The following RAB3C variants were observed in gnomAD, a reference collection of about 807,000 sequenced individuals.
The protein encoded by RAB3C is ras-related protein Rab-3C.
A neutral mutation model predicts 26.4 loss-of-function variants in RAB3C; 17 were observed. That is an observed-to-expected ratio of 0.64 (90% CI 0.44 to 0.97). The LOEUF (loss-of-function observed/expected upper bound fraction) is 0.97, where lower values mean the gene tolerates loss of function less well. Ranked by LOEUF, RAB3C falls within the 50% of genes least tolerant of loss-of-function variation. The pLI is 0.00. For missense variants in RAB3C, 242 were observed against 281.9 expected (o/e 0.86, Z 1.01); for synonymous variants, 91 against 95.9 (o/e 0.95, Z 0.30).
intron 2 of RAB3C, among the ~76,000 whole-genome samples, chr5:58,681,753 T>C (rs1169187321): frequency 1.3e-5 from 2 of 152,112 alleles, no homozygotes; most frequent in African/African-American, 2.4e-5. Flanking sequence ...AGAAAAGAAT[T>C]CTTAGTTGAA....
rs2112097783 is a variant in RAB3C at position 58,857,074 on chromosome 5, T to C, written c.*5723T>C. 2 of 152,318 alleles carry C rather than the reference T, an allele frequency of 1.3e-5. 1 individual carries two copies. The allele number at this position is 152,318 out of a possible 1,614,324, so 9.4% of individuals were successfully genotyped here. ...GTTTTCTATTTTCAACACCTCAGAA[T>C]TGAGGGTTCATGGGCCAATAAGTGC... On this transcript the variant is annotated 3_prime_UTR_variant, in exon 5 of 5. Transcript: ENST00000282878.
intron 2 of RAB3C, among the ~76,000 whole-genome samples, chr5:58,655,385 A>G (rs966000259): frequency 3.3e-5 from 5 of 152,338 alleles, no homozygotes; most frequent in African/African-American, 1.2e-4. Flanking sequence ...TGTTTTGACA[A>G]TCTAGAAATA....
chr5:58,620,258 T>C (rs557499054), intron 2 of RAB3C, among the ~76,000 whole-genome samples: 1 of 152,286 alleles, frequency 6.6e-6, no homozygotes, highest in South Asian at 2.1e-4. Flanking sequence ...ATCATTGCAA[T>C]TAAAACATAA....
In RAB3C at chr5:58,753,594, G is replaced by T. The variant is rs143274373; in HGVS notation, c.371+27474G>T. Among the ~76,000 whole-genome samples, 38 of 152,238 alleles carry T rather than the reference G, an allele frequency of 2.5e-4. No homozygotes were observed. In the East Asian group the frequency reaches 6.0e-3, roughly 24 times the overall value. On this transcript the variant is annotated intron_variant, in intron 3 of 4. Coordinates refer to ENST00000282878, the MANE Select transcript of RAB3C (RefSeq NM_138453.4). Reference sequence around the variant, plus strand: ...AGGTCAGCGTTAAGGAGGAGGAGAGGCCAACTGGAAAGAAATGCTTGCAGT... The same window carrying T: ...AGGTCAGCGTTAAGGAGGAGGAGAGTCCAACTGGAAAGAAATGCTTGCAGT...
intron 3 of RAB3C, among the ~76,000 whole-genome samples, chr5:58,817,820 G>C (rs1561140828): frequency 6.6e-6 from 1 of 151,978 alleles, no homozygotes; most frequent in African/African-American, 2.4e-5. Flanking sequence ...TAAATTAAGT[G>C]AAAAAAATAA....
chr5:58,739,253 G>C (rs772674147), intron 3 of RAB3C, among the ~76,000 whole-genome samples: 2 of 152,206 alleles, frequency 1.3e-5, no homozygotes, highest in African/African-American at 4.8e-5. Flanking sequence ...TATTTGCCCA[G>C]TCAGCAAGAA....
At chr5:58,780,183 G>A (rs1014152298) in intron 3 of RAB3C, among the ~76,000 whole-genome samples, 1 of 152,124 alleles carries the variant, frequency 6.6e-6, no homozygotes, top group Admixed American at 6.5e-5. Flanking sequence ...TGGTCAAATA[G>A]CAAGGCCTGT....
At chr5:58,782,537 C>G (rs1460463915) in intron 3 of RAB3C, among the ~76,000 whole-genome samples, 1 of 152,098 alleles carries the variant, frequency 6.6e-6, no homozygotes, top group Non-Finnish European at 1.5e-5. Flanking sequence ...ATATTTATTC[C>G]TATACTTAAA....
chr5:58,840,997 G>T (rs536466571), intron 4 of RAB3C, among the ~76,000 whole-genome samples: 2 of 152,234 alleles, frequency 1.3e-5, no homozygotes, highest in South Asian at 2.1e-4. Context: ...CAGGTGCAAG[G>T]CTCTTCAGTT....
intron 2 of RAB3C, among the ~76,000 whole-genome samples, chr5:58,637,961 G>T (rs1747323987): frequency 6.6e-6 from 1 of 151,874 alleles, no homozygotes. Flanking sequence ...AGCAACACAG[G>T]AGTAATTTAT....
intron 4 of RAB3C, among the ~76,000 whole-genome samples, chr5:58,844,908 G>A (rs577751849): frequency 2.6e-5 from 4 of 152,268 alleles, no homozygotes; most frequent in East Asian, 1.9e-4. Context: ...CAACAGTGCC[G>A]CAGAACATCT....
chr5:58,625,216 G>T (rs941745143), intron 2 of RAB3C, among the ~76,000 whole-genome samples: 1 of 150,472 alleles, frequency 6.6e-6, no homozygotes, highest in African/African-American at 2.4e-5. Flanking sequence ...TATTTTATTT[G>T]CAATGCTGGA....
intron 2 of RAB3C, among the ~76,000 whole-genome samples, chr5:58,705,689 A>G (rs1470564757): frequency 3.3e-5 from 5 of 152,150 alleles, no homozygotes; most frequent in Admixed American, 3.3e-4. Flanking sequence ...CTCCTTGGTT[A>G]CAATGACTTG....
chr5:58,810,777 A>T (rs1271865247), intron 3 of RAB3C, among the ~76,000 whole-genome samples: 3 of 152,152 alleles, frequency 2.0e-5, no homozygotes. Context: ...TTGTATGTTT[A>T]GTAGAGACGG....
intron 2 of RAB3C, among the ~76,000 whole-genome samples, chr5:58,652,716 A>G (rs945305860): frequency 6.6e-6 from 1 of 150,796 alleles, no homozygotes; most frequent in African/African-American, 2.4e-5. Flanking sequence ...AAAAAAAACA[A>G]GAGAAAAGAT....
At chr5:58,727,799 T>A (rs1740923252) in intron 3 of RAB3C, among the ~76,000 whole-genome samples, 1 of 151,964 alleles carries the variant, frequency 6.6e-6, no homozygotes, top group Non-Finnish European at 1.5e-5. Flanking sequence ...AAGAACAAGA[T>A]CTTAAAAACA....
chr5:58,843,557 T>C (rs914573596), intron 4 of RAB3C, among the ~76,000 whole-genome samples: 4 of 152,234 alleles, frequency 2.6e-5, no homozygotes, highest in African/African-American at 9.6e-5. Context: ...ATGATCCTTA[T>C]CTCTTTATTA....
intron 2 of RAB3C, among the ~76,000 whole-genome samples, chr5:58,653,095 G>A (rs1349155402): frequency 1.3e-5 from 2 of 152,072 alleles, no homozygotes; most frequent in African/African-American, 4.8e-5. Flanking sequence ...TACTAATGTA[G>A]ATGTTTCTCC....
intron 1 of RAB3C, among the ~76,000 whole-genome samples, chr5:58,593,635 A>C (rs1240806682): frequency 1.3e-5 from 2 of 152,174 alleles, no homozygotes; most frequent in Non-Finnish European, 2.9e-5. Context: ...TAACTTTAAC[A>C]ATTACTTTCT....
Sources: allele counts gnomAD v4.1 joint callset (sites outside exome capture counted in the v4.1 genomes callset), GRCh38; gene constraint gnomAD v4.1.1; transcripts MANE v1.5; gene names NCBI Gene and HGNC (gene_info 2026-07-23, HGNC 2026-07-21).